The following TMEM108 variants were observed in gnomAD, a reference collection of about 807,000 sequenced individuals.
TMEM108 encodes the protein transmembrane protein 108.
In TMEM108, 12 loss-of-function variants were observed where a neutral mutation model predicts 35.1. That is an observed-to-expected ratio of 0.34 (90% CI 0.22 to 0.55). TMEM108 has a LOEUF of 0.55. Among genes scored for constraint, TMEM108 ranks in the 20% least tolerant of loss-of-function variants. The pLI is 0.89. For missense variants in TMEM108, 680 were observed against 753.3 expected (o/e 0.90, Z 1.14); for synonymous variants, 287 against 308.6 (o/e 0.93, Z 0.73).
At chr3:133,114,838 C>T (rs1006446690) in intron 2 of TMEM108, among the ~76,000 whole-genome samples, 2 of 152,106 alleles carry the variant, frequency 1.3e-5, no homozygotes, top group African/African-American at 4.8e-5. Context: ...TCAGTGAATT[C>T]CTCAGATGTA....
At chr3:133,108,295 T>C (rs1057011147) in intron 2 of TMEM108, among the ~76,000 whole-genome samples, 3 of 152,186 alleles carry the variant, frequency 2.0e-5, no homozygotes, top group Non-Finnish European at 4.4e-5. Flanking sequence ...TTCCTGACTT[T>C]TTAATGATCG....
intron 2 of TMEM108, among the ~76,000 whole-genome samples, chr3:133,108,786 A>G (rs1032319925): frequency 6.9e-5 from 10 of 145,376 alleles, no homozygotes; most frequent in African/African-American, 2.0e-4. Flanking sequence ...GAATTGAACA[A>G]TGAGAACACA....
chr3:133,275,020 TACTC>T (rs1430461982), intron 3 of TMEM108, among the ~76,000 whole-genome samples: 1 of 152,188 alleles, frequency 6.6e-6, no homozygotes, highest in Non-Finnish European at 1.5e-5. Context: ...AAACCATAAA[TACTC>T]AATTAAACTC....
intron 2 of TMEM108, among the ~76,000 whole-genome samples, chr3:133,099,265 G>C (rs1944055662): frequency 6.6e-6 from 1 of 152,216 alleles, no homozygotes; most frequent in Non-Finnish European, 1.5e-5. Flanking sequence ...GGCTGGAGCA[G>C]CTGAGACACA....
rs1160385371 is a variant in TMEM108 at position 133,397,195 on chromosome 3, A to G, written c.*1209A>G. On this transcript the variant is annotated 3_prime_UTR_variant, in exon 6 of 6. Transcript: ENST00000321871. ...GGCTTCCAGAGGTGGCCGCTTCTCT[A>G]TTTTTTCCTGATTGTGGCTGAGAGA... 1.3e-5 allele frequency: 2 copies of G among 151,932 alleles called. No homozygotes were observed. Among genetic ancestry groups the G allele is most frequent in the Non-Finnish European group, 2.9e-5 (2 of 67,976 alleles). The allele number at this position is 151,932 out of a possible 1,614,324, so 9.4% of individuals were successfully genotyped here. A position where few individuals can be genotyped will look rare whatever the true frequency, so the allele number is the denominator to read the frequency against.
At chr3:133,291,943 T>C (rs921742954) in intron 3 of TMEM108, among the ~76,000 whole-genome samples, 1 of 152,174 alleles carries the variant, frequency 6.6e-6, no homozygotes, top group Non-Finnish European at 1.5e-5. Flanking sequence ...TGAAAATCAT[T>C]TGGCTGAGCA....
intron 2 of TMEM108, among the ~76,000 whole-genome samples, chr3:133,195,739 T>C (rs962130565): frequency 1.3e-5 from 2 of 152,194 alleles, no homozygotes; most frequent in African/African-American, 4.8e-5. Context: ...CAGGAAGCAG[T>C]GTTGTTATGA....
intron 3 of TMEM108, among the ~76,000 whole-genome samples, chr3:133,356,715 G>A (rs550165582): frequency 1.3e-5 from 2 of 152,158 alleles, no homozygotes; most frequent in South Asian, 4.2e-4. Flanking sequence ...AACATAAACT[G>A]GGGAAAAGAC....
chr3:133,206,898 C>G (rs1945763319), intron 2 of TMEM108, among the ~76,000 whole-genome samples: 1 of 152,176 alleles, frequency 6.6e-6, no homozygotes, highest in Admixed American at 6.5e-5. Flanking sequence ...GAAGCTGGGC[C>G]CACAGCCGGC....
At chr3:133,145,542 A>C (rs1339996426) in intron 2 of TMEM108, among the ~76,000 whole-genome samples, 2 of 152,146 alleles carry the variant, frequency 1.3e-5, no homozygotes, top group Non-Finnish European at 2.9e-5. Context: ...TTGAATCTAT[A>C]AATTACTTTG....
intron 3 of TMEM108, among the ~76,000 whole-genome samples, chr3:133,230,497 A>G (rs1436810336): frequency 6.6e-6 from 1 of 152,198 alleles, no homozygotes; most frequent in Non-Finnish European, 1.5e-5. Flanking sequence ...TTAAAAAATG[A>G]TAAGCTTGTT....
intron 2 of TMEM108, among the ~76,000 whole-genome samples, chr3:133,074,674 A>G (rs1022546245): frequency 3.3e-5 from 5 of 152,134 alleles, no homozygotes; most frequent in Non-Finnish European, 7.3e-5. Context: ...TTTTTAGTAG[A>G]GATGGGGTTT....
intron 3 of TMEM108, among the ~76,000 whole-genome samples, chr3:133,341,805 G>A (rs113462116): frequency 6.6e-6 from 1 of 151,770 alleles, no homozygotes; most frequent in East Asian, 1.9e-4. Context: ...TTCAATAAAT[G>A]GTGCTGGAAA....
At chr3:133,042,067 T>C (rs1378969081) in intron 1 of TMEM108, among the ~76,000 whole-genome samples, 1 of 152,252 alleles carries the variant, frequency 6.6e-6, no homozygotes, top group African/African-American at 2.4e-5. Flanking sequence ...ACTTGTGCTT[T>C]GGTTTTAATG....
At chr3:133,308,923 T>A (rs1056604693) in intron 3 of TMEM108, among the ~76,000 whole-genome samples, 13 of 152,312 alleles carry the variant, frequency 8.5e-5, no homozygotes, top group African/African-American at 3.1e-4. Flanking sequence ...TTGGAATAGT[T>A]TCAGAAGGAA....
chr3:133,265,338 G>A (rs370838793), intron 3 of TMEM108, among the ~76,000 whole-genome samples: 1 of 152,140 alleles, frequency 6.6e-6, no homozygotes, highest in East Asian at 1.9e-4. Flanking sequence ...TTTAAAATGG[G>A]TCCTTGAGCT....
At chr3:133,362,528 C>A (rs998261248) in intron 3 of TMEM108, among the ~76,000 whole-genome samples, 1 of 152,138 alleles carries the variant, frequency 6.6e-6, no homozygotes, top group Non-Finnish European at 1.5e-5. Context: ...AGACCAAGGG[C>A]AAATTTTGGG....
chr3:133,148,245 A>G (rs972195777), intron 2 of TMEM108, among the ~76,000 whole-genome samples: 1 of 152,208 alleles, frequency 6.6e-6, no homozygotes, highest in African/African-American at 2.4e-5. Flanking sequence ...AACTGAGAGC[A>G]TCTTTTGGTG....
chr3:133,258,965 G>A (rs368985553), intron 3 of TMEM108, among the ~76,000 whole-genome samples: 3 of 152,276 alleles, frequency 2.0e-5, no homozygotes. Flanking sequence ...GTATTTGCAG[G>A]CCCATATGCA....
Sources: gnomAD v4.1 joint callset for allele counts (sites outside exome capture counted in the v4.1 genomes callset) on GRCh38, gnomAD v4.1.1 for gene constraint, MANE v1.5 for transcripts, NCBI Gene and HGNC (gene_info 2026-07-23, HGNC 2026-07-21) for gene names.